The following TRIM40 variants were observed in gnomAD, a reference collection of about 807,000 sequenced individuals.
TRIM40 encodes the protein tripartite motif containing 40.
TRIM40 carries 27 observed loss-of-function variants against 26.1 expected under a neutral mutation model. The ratio of observed to expected loss-of-function variants is 1.04; its 90% CI spans 0.76 to 1.43. TRIM40 has a LOEUF of 1.43. Among genes scored for constraint, TRIM40 ranks in the 40% most tolerant of loss-of-function variants. The pLI, the probability that TRIM40 is intolerant of heterozygous loss-of-function variation, is 0.00. For synonymous variants in TRIM40, 114 were observed against 120.0 expected, an observed-to-expected ratio of 0.95 and a Z score of 0.33; for missense variants, 289 against 307.9, an observed-to-expected ratio of 0.94 and a Z score of 0.46.
intron 2 of TRIM40, among the ~76,000 whole-genome samples, chr6:30,143,431 C>CTTTTTT (rs9278593): frequency 1.7e-5 from 2 of 116,454 alleles, no homozygotes; most frequent in African/African-American, 3.3e-5. Context: ...GTTAATTTTT[C>CTTTTTT]TTTTTTTTTT....
intron 2 of TRIM40, among the ~76,000 whole-genome samples, chr6:30,142,281 G>A (rs9261492): frequency 0.22 from 33,463 of 152,064 alleles, 4,027 homozygotes; most frequent in Admixed American, 0.25. Flanking sequence ...TCACTGACCA[G>A]TCAATGTCAG....
At position 30,147,543 on chromosome 6, in the gene TRIM40, G is replaced by A. The variant is rs115651142; in HGVS notation, c.689+1G>A. ...AGAATGCTGGTGACTTACTGAACAG[G>A]TACGAGCTGTCCCTTCTTCTTTCCC... On this transcript the variant is annotated splice_donor_variant, in intron 5 of 5. Transcript: ENST00000396581. LOFTEE classifies it high-confidence loss of function. The A allele has an allele frequency of 2.5e-6, 4 of 1,614,136 alleles. No individual in the cohort carries two copies. Among genetic ancestry groups the A allele is most frequent in the South Asian group, 1.1e-5 (1 of 91,084 alleles).
intron 2 of TRIM40, among the ~76,000 whole-genome samples, chr6:30,139,321 G>T (rs1479538684): frequency 6.8e-6 from 1 of 147,396 alleles, no homozygotes; most frequent in Non-Finnish European, 1.5e-5. Context: ...AGTAATCAAA[G>T]AACTGTAACT....
Position 30,147,026 on chromosome 6 carries a change from G to A in TRIM40, c.483G>A (p.Pro161=), listed in dbSNP as rs113062744. The A allele has an allele frequency of 0.019, 30,956 of 1,610,412 alleles. 482 individuals are homozygous for A. Among genetic ancestry groups the A allele is most frequent in the Middle Eastern group, 0.068 (367 of 5,386 alleles). ...GGAACCACAGGCTGGAGGCTGGGCC[G>A]GAGAGCCAGCACCAAACCAGGGAAC... ...DHGNHRLEAG[P]ESQHQTREQL... is the part of the protein sequence containing the mutation. Residue 161 remains proline, a synonymous_variant, in exon 4 of 6, where the codon CCG becomes CCA. Transcript: ENST00000396581.
intron 2 of TRIM40, among the ~76,000 whole-genome samples, chr6:30,140,024 C>T (rs1771253300): frequency 1.3e-5 from 2 of 152,304 alleles, no homozygotes; most frequent in African/African-American, 4.8e-5. Context: ...CAATGAGATA[C>T]CATCTCTGCC....
Position 30,146,108 on chromosome 6 carries a change from T to C in TRIM40, c.441+19T>C, listed in dbSNP as rs143682442. The C allele has an allele frequency of 5.7e-3, 9,033 of 1,592,812 alleles. 35 individuals are homozygous for C. The highest frequency in any genetic ancestry group is 7.0e-3 in the Non-Finnish European group (8,182 of 1,163,562). On this transcript the variant is annotated intron_variant, in intron 3 of 5. Coordinates refer to ENST00000396581, the MANE Select transcript of TRIM40 (RefSeq NM_001286633.2). ...TCTGCAGGTGGGTTTTTCGGGTTCC[T>C]GGGAAGGACTCCCTGGAGTGTTCTC... is the stretch of plus-strand genomic sequence containing the variant.
At position 30,137,153 on chromosome 6, in the gene TRIM40, A is replaced by C. The variant is rs1771055187; in HGVS notation, c.117A>C (p.Thr39=). The C allele has an allele frequency of 6.2e-7, 1 of 1,612,962 alleles. No individual in the cohort carries two copies. The change falls in exon 2 of 6, where the codon ACA becomes ACC. Residue 39 remains threonine, a synonymous_variant. Transcript: ENST00000396581. ...CGHLFCRVCL[T]QHVEKASASG... is the part of the protein sequence containing the mutation. ...ATCTCTTCTGTCGAGTGTGCCTGAC[A>C]CAGCATGTGGAGAAGGCCTCAGCCT... is the stretch of plus-strand genomic sequence containing the variant.
At chr6:30,143,182 G>T (rs973965116) in intron 2 of TRIM40, among the ~76,000 whole-genome samples, 5 of 152,044 alleles carry the variant, frequency 3.3e-5, no homozygotes, top group Non-Finnish European at 4.4e-5. Flanking sequence ...ATATTAAATT[G>T]TCTTTACTTA....
chr6:30,138,718 A>G (rs1392562864), intron 2 of TRIM40, among the ~76,000 whole-genome samples: 1 of 152,126 alleles, frequency 6.6e-6, no homozygotes, highest in Admixed American at 6.5e-5. Flanking sequence ...CCTGACCCTA[A>G]TCCAGTTAGT....
chr6:30,140,937 G>A (rs900052918), intron 2 of TRIM40, among the ~76,000 whole-genome samples: 2 of 152,082 alleles, frequency 1.3e-5, no homozygotes, highest in Admixed American at 1.3e-4. Flanking sequence ...GATCTCCAGA[G>A]TCTTATTCCT....
Position 30,137,014 on chromosome 6 carries a change from G to A in TRIM40, c.-23G>A. The A allele has an allele frequency of 6.2e-7, 1 of 1,601,016 alleles. No homozygotes were observed. Among genetic ancestry groups the A allele is most frequent in the South Asian group, 1.1e-5 (1 of 89,754 alleles). The stretch of plus-strand genomic sequence containing the variant: ...AAGAAGGAGGCCCTGCAAACAGGAG[G>A]CTGACAGGGTAGGAACGAGGCCATG... On this transcript the variant is annotated 5_prime_UTR_variant, in exon 2 of 6. Transcript: ENST00000396581.
intron 2 of TRIM40, among the ~76,000 whole-genome samples, chr6:30,142,871 T>C (rs1048361351): frequency 6.6e-6 from 1 of 152,110 alleles, no homozygotes; most frequent in Non-Finnish European, 1.5e-5. Flanking sequence ...TTTTTTACTC[T>C]AGTCCATTGA....
At chr6:30,139,339 C>CTTTTTTTT (rs9278591) in intron 2 of TRIM40, among the ~76,000 whole-genome samples, 39 of 77,858 alleles carry the variant, frequency 5.0e-4, no homozygotes, top group Non-Finnish European at 6.3e-4. Flanking sequence ...ACTTTTTTTT[C>CTTTTTTTT]TTTTTTTTTT....
At chr6:30,145,061 C>G (rs1357819238) in intron 2 of TRIM40, among the ~76,000 whole-genome samples, 1 of 152,106 alleles carries the variant, frequency 6.6e-6, no homozygotes, top group Non-Finnish European at 1.5e-5. Flanking sequence ...TTCTGTTCAC[C>G]AAATGCCCTT....
rs752319094 is a variant in TRIM40 at position 30,147,864 on chromosome 6, C to G, written c.*52C>G. 12 of 1,525,408 alleles carry G rather than the reference C, an allele frequency of 7.9e-6. No homozygotes were observed. The Admixed American group carries it at 8.4e-5, about 11-fold the overall frequency. The allele number at this position is 1,525,408 out of a possible 1,614,324, so 94.5% of individuals were successfully genotyped here. A position where few individuals can be genotyped will look rare whatever the true frequency, so the allele number is the denominator to read the frequency against. The stretch of plus-strand genomic sequence containing the variant: ...TCAGGCTCACCTCAGCCTCCTCTCT[C>G]TCCTTCCTCCAACCTGTCCAGGCCC... On this transcript the variant is annotated 3_prime_UTR_variant, in exon 6 of 6. Transcript: ENST00000396581.
rs767195527 is a variant in TRIM40 at position 30,147,705 on chromosome 6, A to G, written c.690-20A>G. The G allele has an allele frequency of 2.5e-6, 4 of 1,612,114 alleles. No homozygotes were observed. Among genetic ancestry groups the G allele is most frequent in the Non-Finnish European group, 3.4e-6 (4 of 1,178,230 alleles). On this transcript the variant is annotated intron_variant, in intron 5 of 5. Transcript: ENST00000396581. ...ATATATGAATACATATTAATCTATG[A>G]AAGATTTCTTTGTTTCTAGGAGTGC...
chr6:30,140,424 C>T (rs578231706), intron 2 of TRIM40, among the ~76,000 whole-genome samples: 3 of 152,196 alleles, frequency 2.0e-5, no homozygotes, highest in Admixed American at 1.3e-4. Flanking sequence ...TTTACAGGGA[C>T]GTGGATGAAG....
At chr6:30,143,292 G>A (rs576055500) in intron 2 of TRIM40, among the ~76,000 whole-genome samples, 1 of 152,078 alleles carries the variant, frequency 6.6e-6, no homozygotes, top group East Asian at 1.9e-4. Flanking sequence ...ATTCTTTGCT[G>A]AGCTCATGTA....
chr6:30,139,089 T>A (rs1021283677), intron 2 of TRIM40, among the ~76,000 whole-genome samples: 1 of 152,228 alleles, frequency 6.6e-6, no homozygotes, highest in Non-Finnish European at 1.5e-5. Flanking sequence ...TGCTAGGCAT[T>A]GTAGAAAGTA....
Sources: allele counts gnomAD v4.1 joint callset (sites outside exome capture counted in the v4.1 genomes callset), GRCh38; gene constraint gnomAD v4.1.1; transcripts MANE v1.5; gene names NCBI Gene and HGNC (gene_info 2026-07-23, HGNC 2026-07-21).